NREP: variants seen among roughly 807,000 people sequenced by gnomAD.
NREP encodes the protein neuronal regeneration related protein.
Under a neutral mutation model 8.6 loss-of-function variants are expected in NREP, and 5 were observed. That is an observed-to-expected ratio of 0.58 (90% CI 0.30 to 1.22). The LOEUF is 1.22. NREP is among the 50% of genes most tolerant of loss of function. The pLI is 0.07. For synonymous variants in NREP, 27 were observed against 28.0 expected, an observed-to-expected ratio of 0.96 and a Z score of 0.11; for missense variants, 86 against 82.5, an observed-to-expected ratio of 1.04 and a Z score of -0.17.
At chr5:111,745,168 A>G (rs539858147) in intron 2 of NREP, among the ~76,000 whole-genome samples, 2 of 152,274 alleles carry the variant, frequency 1.3e-5, no homozygotes, top group Admixed American at 6.5e-5. Flanking sequence ...ATATATATAA[A>G]GCGCTGGCAA....
At position 111,743,404 on chromosome 5, in the gene NREP, C is replaced by T. The variant is rs559227049; in HGVS notation, c.4-7897G>A. On this transcript the variant is annotated intron_variant, in intron 2 of 3. Coordinates refer to ENST00000257435, the MANE Select transcript of NREP (RefSeq NM_004772.4). Reference sequence around the variant, plus strand: ...AATATGTTAATAAAATCTTTTACCTCCCTGGAGTGGAACCAGAATAAATAT... The same window carrying T: ...AATATGTTAATAAAATCTTTTACCTTCCTGGAGTGGAACCAGAATAAATAT... Among the ~76,000 whole-genome samples, 63 of 152,234 alleles carry T rather than the reference C, an allele frequency of 4.1e-4. No individual in the cohort carries two copies. The South Asian group carries it at 0.013, about 31-fold the overall frequency.
At position 111,785,661 on chromosome 5, in the gene NREP, A is replaced by G. The variant is rs544949204; in HGVS notation, c.136-50154T>C. 3.9e-5 allele frequency among the ~76,000 whole-genome samples: 6 copies of G among 152,272 alleles called. No homozygotes were observed. The South Asian group carries it at 1.0e-3, about 26-fold the overall frequency. On this transcript the variant is annotated intron_variant, in intron 2 of 3. Coordinates refer to the NREP transcript ENST00000395634. ...ACTTTGGTAACTCCAGAAATTATAT[A>G]TATGAGTGGTTTAGGAGTGGTGAGT...
At chr5:111,755,089 G>A (rs1281325813) in intron 2 of NREP, among the ~76,000 whole-genome samples, 1 of 151,970 alleles carries the variant, frequency 6.6e-6, no homozygotes, top group Non-Finnish European at 1.5e-5. Context: ...TTATTCAGCT[G>A]CTTTTAATGT....
At chr5:111,852,790 A>T (rs976426833) in intron 2 of NREP, among the ~76,000 whole-genome samples, 1 of 152,134 alleles carries the variant, frequency 6.6e-6, no homozygotes, top group Non-Finnish European at 1.5e-5. Context: ...AACCATTACA[A>T]GTGGACACTG....
chr5:111,856,273 A>G (rs1380704854), intron 2 of NREP, among the ~76,000 whole-genome samples: 1 of 152,196 alleles, frequency 6.6e-6, no homozygotes, highest in Non-Finnish European at 1.5e-5. Context: ...ATGCCTAGAA[A>G]GGTTAATGGA....
At chr5:111,769,549 T>C (rs1245906766) in intron 2 of NREP, among the ~76,000 whole-genome samples, 3 of 152,138 alleles carry the variant, frequency 2.0e-5, no homozygotes, top group Admixed American at 2.0e-4. Context: ...GGGAGTGGGG[T>C]GTATTCATCT....
chr5:111,746,246 T>A (rs1031388101), intron 2 of NREP, among the ~76,000 whole-genome samples: 1 of 152,016 alleles, frequency 6.6e-6, no homozygotes, highest in South Asian at 2.1e-4. Flanking sequence ...TCATTTTTTT[T>A]TAAAAAAAGG....
At position 111,806,743 on chromosome 5, in the gene NREP, T is replaced by A. The variant is rs956058712; in HGVS notation, c.136-71236A>T. On this transcript the variant is annotated intron_variant, in intron 2 of 3. Coordinates refer to the NREP transcript ENST00000395634. ...TGTTTGTTTTAAAGGAAGGATGCAG[T>A]TCTCTGTTACGATTTTGAATGGGTC... Among the ~76,000 whole-genome samples the A allele has an allele frequency of 4.1e-5, 4 of 98,492 alleles. No individual in the cohort carries two copies. In the South Asian group the frequency reaches 2.4e-3, roughly 60 times the overall value. 64.6% of individuals were successfully genotyped at this position (98,492 alleles called of 152,430 possible).
chr5:111,797,043 C>G (rs376705394), intron 2 of NREP, among the ~76,000 whole-genome samples: 2 of 151,108 alleles, frequency 1.3e-5, no homozygotes, highest in South Asian at 4.2e-4. Flanking sequence ...GACAAGAAAA[C>G]GCAAGCGCAG....
At chr5:111,931,461 T>C (rs1195402792) in intron 2 of NREP, among the ~76,000 whole-genome samples, 1 of 152,064 alleles carries the variant, frequency 6.6e-6, no homozygotes, top group East Asian at 1.9e-4. Flanking sequence ...CAATCGATAG[T>C]AGGTCAGTCA....
chr5:111,732,958 ATCTC>A (rs977044951), intron 3 of NREP: 1 of 152,214 alleles, frequency 6.6e-6, no homozygotes, highest in Non-Finnish European at 1.5e-5. Flanking sequence ...ACGTTAGTGT[ATCTC>A]TCTATTTAAA....
intron 2 of NREP, among the ~76,000 whole-genome samples, chr5:111,819,050 C>T (rs1242798863): frequency 6.6e-6 from 1 of 152,146 alleles, no homozygotes; most frequent in African/African-American, 2.4e-5. Flanking sequence ...ATGTTCAGCT[C>T]TCTTATTCTT....
intron 2 of NREP, among the ~76,000 whole-genome samples, chr5:111,917,759 A>G (rs1755105003): frequency 6.6e-6 from 1 of 152,210 alleles, no homozygotes; most frequent in Admixed American, 6.5e-5. Flanking sequence ...ATCGTACTGA[A>G]TGGGCAAAAG....
At chr5:111,941,877 C>T (rs1755838910) in intron 2 of NREP, among the ~76,000 whole-genome samples, 1 of 152,054 alleles carries the variant, frequency 6.6e-6, no homozygotes, top group African/African-American at 2.4e-5. Flanking sequence ...ACAACTATGT[C>T]TTCCTTCCTA....
intron 2 of NREP, among the ~76,000 whole-genome samples, chr5:111,900,362 C>A (rs746442583): frequency 2.0e-5 from 3 of 151,590 alleles, no homozygotes; most frequent in Non-Finnish European, 4.4e-5. Flanking sequence ...TAAAGATGCA[C>A]CTCAAATAAT....
intron 2 of NREP, among the ~76,000 whole-genome samples, chr5:111,881,713 G>A (rs1046474034): frequency 6.6e-6 from 1 of 152,142 alleles, no homozygotes; most frequent in African/African-American, 2.4e-5. Flanking sequence ...AGATACCCCG[G>A]CAAACAGGGT....
At chr5:111,793,977 G>T (rs772018204) in intron 2 of NREP, among the ~76,000 whole-genome samples, 4 of 152,180 alleles carry the variant, frequency 2.6e-5, no homozygotes, top group Non-Finnish European at 4.4e-5. Flanking sequence ...AGTACCACTG[G>T]AGCCAAGAGG....
At chr5:111,748,203 A>G (rs1220148249) in intron 2 of NREP, among the ~76,000 whole-genome samples, 4 of 152,176 alleles carry the variant, frequency 2.6e-5, no homozygotes, top group Non-Finnish European at 5.9e-5. Context: ...ACAGAATTTT[A>G]GGAGTCATTT....
intron 2 of NREP, among the ~76,000 whole-genome samples, chr5:111,841,187 A>G (rs145369938): frequency 6.6e-6 from 1 of 152,170 alleles, no homozygotes; most frequent in Admixed American, 6.6e-5. Flanking sequence ...AATTCTGCTC[A>G]GACTCTCTGA....
Sources: allele counts gnomAD v4.1 joint callset (sites outside exome capture counted in the v4.1 genomes callset), GRCh38; gene constraint gnomAD v4.1.1; transcripts MANE v1.5; gene names NCBI Gene and HGNC (gene_info 2026-07-23, HGNC 2026-07-21).